PTRH1: variants seen among roughly 807,000 people sequenced by gnomAD.
PTRH1 encodes the protein peptidyl-tRNA hydrolase.
In PTRH1, 13 loss-of-function variants were observed where a neutral mutation model predicts 15.7. The ratio of observed to expected loss-of-function variants is 0.83; its 90% CI spans 0.54 to 1.31. PTRH1 has a LOEUF of 1.31. Ranked by LOEUF, PTRH1 falls within the 40% of genes most tolerant of loss-of-function variation. PTRH1 has a pLI of 0.00. For missense variants in PTRH1, 319 were observed against 296.2 expected (o/e 1.08, Z -0.56); for synonymous variants, 139 against 136.7 (o/e 1.02, Z -0.12).
At chr9:127,709,322 C>G, downstream of PTRH1, 1 of 1,269,296 alleles carries the variant, frequency 7.9e-7, no homozygotes, top group South Asian at 1.5e-5. This position sits in a 1 kb window ranked among gnomAD's most constrained non-coding sequence, Gnocchi z 4.7. Context: ...ACTCAAATGC[C>G]CCTTTACGGG....
At chr9:127,710,539 C>A, downstream of PTRH1, 1 of 1,543,460 alleles carries the variant, frequency 6.5e-7, no homozygotes, top group Non-Finnish European at 8.7e-7. Flanking sequence ...TCTTTAAGGT[C>A]CTCGCCAGGC....
chr9:127,699,439 G>A (rs1842587566), intron 1 of PTRH1, among the ~76,000 whole-genome samples: 1 of 152,212 alleles, frequency 6.6e-6, no homozygotes, highest in Admixed American at 6.5e-5. Context: ...GGGCTTCCGG[G>A]GCTAGTAAGC....
At chr9:127,700,281 G>A (rs1333513035) in intron 1 of PTRH1, among the ~76,000 whole-genome samples, 2 of 151,948 alleles carry the variant, frequency 1.3e-5, no homozygotes, top group Admixed American at 1.3e-4. Flanking sequence ...CTTGCTTTAG[G>A]CCCTGTGCTG....
chr9:127,695,051 C>CG lies in PTRH1; in HGVS notation c.295_296insC (p.Trp99SerfsTer46), dbSNP rs1842545311. 9.0e-6 allele frequency: 6 copies of CG among 666,874 alleles called. No individual in the cohort carries two copies. The highest frequency in any genetic ancestry group is 4.3e-5 in the African/African-American group (2 of 46,112). 41.3% of individuals were successfully genotyped at this position (666,874 alleles called of 1,614,324 possible). Reference sequence around the variant, plus strand: ...CCAGGAAGCACAGTGAGGGCTCAGCCATTGATGATGATGATGATGATGATG... The same window carrying CG: ...CCAGGAAGCACAGTGAGGGCTCAGCCGATTGATGATGATGATGATGATGATG... On this transcript the variant is annotated frameshift_variant, in exon 2 of 3. Transcript: ENST00000335223. LOFTEE classifies it high-confidence loss of function.
chr9:127,702,373 CAAAA>C (rs11347672), intron 1 of PTRH1, among the ~76,000 whole-genome samples: 3 of 79,116 alleles, frequency 3.8e-5, no homozygotes, highest in East Asian at 3.6e-4. Context: ...ATTCCGTCTC[CAAAA>C]AAAAAAAAAA....
At chr9:127,699,363 G>T (rs1309664284) in intron 1 of PTRH1, among the ~76,000 whole-genome samples, 1 of 152,264 alleles carries the variant, frequency 6.6e-6, no homozygotes, top group African/African-American at 2.4e-5. Flanking sequence ...GCAAGGAAAA[G>T]GCCGACACCC....
intron 1 of PTRH1, among the ~76,000 whole-genome samples, chr9:127,697,521 C>T (rs990254150): frequency 6.6e-6 from 1 of 152,158 alleles, no homozygotes; most frequent in Non-Finnish European, 1.5e-5. Context: ...ATTAGCTGAG[C>T]ATGGTGGCTT....
chr9:127,713,977 C>A lies in PTRH1; in HGVS notation c.*123G>T. ...AGTCACCCCCACTTTAATCCGCAGG[C>A]AGCCTGGAACAGTCTAGAGGAGATT... On this transcript the variant is annotated 3_prime_UTR_variant, in exon 5 of 5. Transcript: ENST00000543175. The A allele has an allele frequency of 6.4e-7, 1 of 1,574,506 alleles. No individual in the cohort carries two copies. The highest frequency in any genetic ancestry group is 1.7e-4 in the Middle Eastern group (1 of 5,988).
chr9:127,709,574 TC>T, downstream of PTRH1: 1 of 1,614,004 alleles, frequency 6.2e-7, no homozygotes, highest in South Asian at 1.1e-5. The surrounding 1 kb of genome is among the most constrained non-coding windows in gnomAD (Gnocchi z 4.7). Context: ...AACGAGCAGC[TC>T]CAGAACTTGC....
downstream of PTRH1, chr9:127,712,174 T>C (rs1842781136): frequency 3.1e-6 from 5 of 1,613,068 alleles, no homozygotes; most frequent in Non-Finnish European, 4.2e-6. Flanking sequence ...GGGAAGGCTG[T>C]TGACTCATCC....
rs534113777 is a variant in PTRH1, at chr9:127,698,748, T to C, written c.206-3607A>G. Among the ~76,000 whole-genome samples the C allele has an allele frequency of 2.1e-3, 319 of 152,256 alleles. 2 individuals carry two copies. The highest frequency in any genetic ancestry group is 7.3e-3 in the African/African-American group (305 of 41,560). ...GCACGTGTGCCCCTCCCTGTGGATA[T>C]AGAATCCCTGGATCTAGGGTGTAAT... On this transcript the variant is annotated intron_variant, in intron 1 of 2. Coordinates refer to the PTRH1 transcript ENST00000335223.
At chr9:127,712,325 C>A (rs1243939476), downstream of PTRH1, 2 of 1,613,964 alleles carry the variant, frequency 1.2e-6, no homozygotes, top group Non-Finnish European at 1.7e-6. Context: ...TCCAGGCCAC[C>A]TCCTTCCTAC....
At chr9:127,695,053 T>TGGA in exon 2 of PTRH1, 2 of 671,456 alleles carry the variant, frequency 3.0e-6, no homozygotes, top group Non-Finnish European at 5.4e-6. Context: ...GGCTCAGCCA[T>TGGA]TGATGATGAT....
intron 1 of PTRH1, among the ~76,000 whole-genome samples, chr9:127,701,444 A>G (rs528337859): frequency 1.8e-4 from 28 of 152,184 alleles, no homozygotes; most frequent in Non-Finnish European, 3.8e-4. Context: ...GAATGAATGA[A>G]TGAATGAATG....
At chr9:127,711,971 G>A (rs1588393963), downstream of PTRH1, 1 of 1,593,344 alleles carries the variant, frequency 6.3e-7, no homozygotes, top group Non-Finnish European at 8.5e-7. Flanking sequence ...CCCACGGAGG[G>A]GCGGGCGGCG....
intron 1 of PTRH1, among the ~76,000 whole-genome samples, chr9:127,701,699 G>T (rs1842604587): frequency 2.6e-5 from 4 of 151,728 alleles, no homozygotes; most frequent in Admixed American, 6.6e-5. Context: ...GATCACTTAA[G>T]GTCAGGAGTT....
chr9:127,714,579 A>G, intron 3 of PTRH1, 24 bp downstream of exon 3: 1 of 1,609,442 alleles, frequency 6.2e-7, no homozygotes, highest in East Asian at 2.2e-5. Context: ...CCCTATCCCA[A>G]CCCTGACCAT....
chr9:127,695,091 G>GATA (rs1564361235), exon 2 of PTRH1: 12 of 702,012 alleles, frequency 1.7e-5, no homozygotes, highest in Non-Finnish European at 2.9e-5. Context: ...TGATGATGAT[G>GATA]ATGGTGATGA....
At chr9:127,699,236 TG>T (rs1842585462) in intron 1 of PTRH1, among the ~76,000 whole-genome samples, 1 of 152,202 alleles carries the variant, frequency 6.6e-6, no homozygotes, top group Non-Finnish European at 1.5e-5. Context: ...AAGGAACCCC[TG>T]GCGCTCTGGC....
Sources: gnomAD v4.1 joint callset for allele counts (sites outside exome capture counted in the v4.1 genomes callset) on GRCh38, gnomAD v4.1.1 for gene constraint, Gnocchi (gnomAD v3.1) non-coding constraint, MANE v1.5 for transcripts, NCBI Gene and HGNC (gene_info 2026-07-23, HGNC 2026-07-21) for gene names.